The following MID2 variants were observed in gnomAD, a reference collection of about 807,000 sequenced individuals.
The protein encoded by MID2 is midline 2, also known as probable E3 ubiquitin-protein ligase MID2.
A neutral mutation model predicts 46.1 loss-of-function variants in MID2; 13 were observed. The ratio of observed to expected loss-of-function variants is 0.28; its 90% CI spans 0.18 to 0.45. The LOEUF is 0.45. Among genes scored for constraint, MID2 ranks in the 20% least tolerant of loss-of-function variants. The pLI, the probability that MID2 is intolerant of heterozygous loss-of-function variation, is 1.00. For missense variants in MID2, 431 were observed against 575.4 expected, an observed-to-expected ratio of 0.75 and a Z score of 2.57; for synonymous variants, 199 against 212.3, an observed-to-expected ratio of 0.94 and a Z score of 0.55.
chrX:107,887,083 A>C (rs1350091999), intron 3 of MID2, among the ~76,000 whole-genome samples: 2 of 111,492 alleles, frequency 1.8e-5, no homozygotes, highest in Non-Finnish European at 3.8e-5. Context: ...GGACAATTTG[A>C]CTTCCTCTTT....
chrX:107,893,100 T>C (rs1310844469), intron 3 of MID2, among the ~76,000 whole-genome samples: 1 of 112,985 alleles, frequency 8.9e-6, no homozygotes, highest in Non-Finnish European at 1.9e-5. Flanking sequence ...GAATTGGGTG[T>C]ATCCTCCATG....
chrX:107,889,410 G>A (rs751470061), intron 3 of MID2, among the ~76,000 whole-genome samples: 5 of 111,495 alleles, frequency 4.5e-5, no homozygotes, highest in Admixed American at 3.8e-4. Context: ...GAAATTCTGG[G>A]TTGAAAATTC....
At chrX:107,834,524 A>G (rs1931164100) in intron 1 of MID2, among the ~76,000 whole-genome samples, 1 of 112,355 alleles carries the variant, frequency 8.9e-6, no homozygotes, top group East Asian at 2.8e-4. Context: ...TTGAAATTGC[A>G]ACAGTTTGCC....
chrX:107,901,550 C>A (rs150281697), intron 3 of MID2, among the ~76,000 whole-genome samples: 1 of 111,313 alleles, frequency 9.0e-6, no homozygotes, highest in Non-Finnish European at 1.9e-5. Context: ...CAAATAATTA[C>A]GGAGCATCTA....
rs765369851 is a variant in MID2, at chrX:107,926,252, A to G, written c.1756A>G (p.Ile586Val). The change falls in exon 9 of 10, where the codon ATT (isoleucine) becomes GTT (valine). Residue 586 changes from isoleucine (I) to valine (V), a missense_variant. Transcript: ENST00000262843. ...CTATGGGGCAGCAGGAAATATATTC[A>G]TTGACAGTGGCTGCCACTATTGGGA... ...GCYGAAGNIF[I>V]DSGCHYWEVV... 4.1e-5 allele frequency: 50 copies of G among 1,208,055 alleles called. No homozygotes were observed. The African/African-American group carries it at 8.3e-4, about 20-fold the overall frequency.
chrX:107,826,736 C>T (rs1314651035), intron 1 of MID2, among the ~76,000 whole-genome samples: 1 of 113,230 alleles, frequency 8.8e-6, no homozygotes, highest in South Asian at 3.5e-4. Flanking sequence ...TGGCCGGGCC[C>T]GGCGCGGGCA....
intron 3 of MID2, among the ~76,000 whole-genome samples, chrX:107,888,221 T>C (rs754073269): frequency 7.1e-5 from 8 of 112,041 alleles, no homozygotes; most frequent in Non-Finnish European, 1.5e-4. Flanking sequence ...GATGTTAGGG[T>C]GTCAATTTCA....
chrX:107,870,432 C>T (rs1932038950), intron 3 of MID2, among the ~76,000 whole-genome samples: 1 of 110,787 alleles, frequency 9.0e-6, no homozygotes, highest in Non-Finnish European at 1.9e-5. Context: ...GAACTCAGCT[C>T]TAAAACCATC....
intron 3 of MID2, among the ~76,000 whole-genome samples, chrX:107,872,799 T>C (rs760305175): frequency 1.8e-5 from 2 of 111,654 alleles, no homozygotes; most frequent in Non-Finnish European, 3.8e-5. Context: ...GCCAAAGAAG[T>C]TATATGTTTA....
intron 3 of MID2, among the ~76,000 whole-genome samples, chrX:107,899,871 A>G (rs1932781667): frequency 8.9e-6 from 1 of 112,095 alleles, no homozygotes; most frequent in Non-Finnish European, 1.9e-5. Context: ...AAGGTAACCC[A>G]GTTATTTTCA....
intron 3 of MID2, among the ~76,000 whole-genome samples, chrX:107,867,113 C>A (rs1463734178): frequency 5.4e-5 from 6 of 111,866 alleles, no homozygotes; most frequent in Non-Finnish European, 1.1e-4. Flanking sequence ...TAGTATGAAG[C>A]CATTTTAAGC....
chrX:107,836,671 G>A (rs1284122861), intron 1 of MID2, among the ~76,000 whole-genome samples: 1 of 110,617 alleles, frequency 9.0e-6, no homozygotes, highest in Non-Finnish European at 1.9e-5. Context: ...GAAAGGTAGG[G>A]GAAATGGGGG....
At chrX:107,917,145 A>G (rs1932984756) in intron 6 of MID2, among the ~76,000 whole-genome samples, 1 of 111,601 alleles carries the variant, frequency 9.0e-6, no homozygotes, top group South Asian at 3.8e-4. Context: ...CTGTCTATAT[A>G]TATATATACT....
intron 1 of MID2, among the ~76,000 whole-genome samples, chrX:107,826,895 C>T (rs1930966450): frequency 8.8e-6 from 1 of 113,565 alleles, no homozygotes; most frequent in South Asian, 3.5e-4. Context: ...GCCGGCGTGG[C>T]TGCGGACGCC....
intron 3 of MID2, among the ~76,000 whole-genome samples, chrX:107,893,179 A>T (rs1602490888): frequency 8.9e-6 from 1 of 112,597 alleles, no homozygotes; most frequent in East Asian, 2.8e-4. Flanking sequence ...CTATTATTGA[A>T]ATATCTCCCA....
chrX:107,916,664 A>C (rs1172763885), intron 6 of MID2, among the ~76,000 whole-genome samples: 1 of 112,546 alleles, frequency 8.9e-6, no homozygotes, highest in African/African-American at 3.2e-5. Flanking sequence ...AATATACACA[A>C]ACAATTTTTG....
At chrX:107,833,077 C>T (rs1220931593) in intron 1 of MID2, among the ~76,000 whole-genome samples, 2 of 111,928 alleles carry the variant, frequency 1.8e-5, no homozygotes, top group East Asian at 5.6e-4. Flanking sequence ...TTATGTCCTG[C>T]TCCAGTGGCT....
At chrX:107,855,573 T>C (rs1475030282) in intron 3 of MID2, among the ~76,000 whole-genome samples, 1 of 112,090 alleles carries the variant, frequency 8.9e-6, no homozygotes, top group Admixed American at 9.5e-5. Context: ...CTGGTTCTAA[T>C]CTTACTTGTA....
chrX:107,862,860 A>T (rs1047653471), intron 3 of MID2, among the ~76,000 whole-genome samples: 1 of 112,232 alleles, frequency 8.9e-6, no homozygotes, highest in African/African-American at 3.2e-5. Flanking sequence ...CCTGAGAAAG[A>T]TTTGAACTGC....
Sources: allele counts gnomAD v4.1 joint callset (sites outside exome capture counted in the v4.1 genomes callset), GRCh38; gene constraint gnomAD v4.1.1; transcripts MANE v1.5; gene names NCBI Gene and HGNC (gene_info 2026-07-23, HGNC 2026-07-21).